Variants in RPGR observed in about 807,000 individuals in gnomAD.
The protein encoded by RPGR is X-linked retinitis pigmentosa GTPase regulator.
RPGR carries 10 observed loss-of-function variants against 56.3 expected under a neutral mutation model. The ratio of observed to expected loss-of-function variants is 0.18; its 90% confidence interval spans 0.11 to 0.30. The LOEUF is 0.30. Among genes scored for constraint, RPGR ranks in the 10% least tolerant of loss-of-function variants. The pLI, the probability that RPGR is intolerant of heterozygous loss-of-function variation, is 1.00. For missense variants in RPGR, 538 were observed against 590.9 expected (o/e 0.91, Z 0.93); for synonymous variants, 197 against 212.9 (o/e 0.93, Z 0.65).
intron 10 of RPGR, among the ~76,000 whole-genome samples, 190 bp downstream of exon 10, chrX:38,298,766 A>G (rs1232913681): frequency 8.9e-6 from 1 of 112,139 alleles, no homozygotes; most frequent in Non-Finnish European, 1.9e-5. Flanking sequence ...GTGTCTTTAA[A>G]AAAAGCATTA....
chrX:38,312,698 G>A (rs1601964198), intron 6 of RPGR, among the ~76,000 whole-genome samples: 3 of 111,675 alleles, frequency 2.7e-5, no homozygotes, highest in African/African-American at 6.5e-5. Flanking sequence ...AATCCCAGCA[G>A]TTTGGGAGGC....
rs759193029 is a variant in RPGR at position 38,299,145 on chromosome X, C to A, written c.1060-4G>T. Reference sequence around the variant, plus strand: ...TGTGACATCCACCACAAGCAACCTGCAGCATAAATCCACAGAAAAACTCAT... The same window carrying A: ...TGTGACATCCACCACAAGCAACCTGAAGCATAAATCCACAGAAAAACTCAT... On this transcript the variant is annotated splice_polypyrimidine_tract_variant and splice_region_variant and intron_variant, in intron 9 of 18. Coordinates refer to ENST00000642395, the MANE Select transcript of RPGR (RefSeq NM_000328.3). The A allele has an allele frequency of 8.3e-7, 1 of 1,208,737 alleles. No individual in the cohort carries two copies. Among genetic ancestry groups the A allele is most frequent in the Non-Finnish European group, 1.1e-6 (1 of 893,587 alleles).
At chrX:38,294,916 T>C in intron 11 of RPGR, among the ~76,000 whole-genome samples, 1 of 112,158 alleles carries the variant, frequency 8.9e-6, no homozygotes. Flanking sequence ...CTCACAAGTA[T>C]TCTTCCTATT....
intron 4 of RPGR, among the ~76,000 whole-genome samples, chrX:38,320,709 C>T (rs1239856928): frequency 1.8e-5 from 2 of 112,221 alleles, no homozygotes; most frequent in African/African-American, 3.2e-5. Flanking sequence ...CATCAACAGC[C>T]TTCTGGGTGC....
At chrX:38,272,592 CAAAA>C in intron 18 of RPGR, 1 of 88,969 alleles carries the variant, frequency 1.1e-5, no homozygotes, top group Non-Finnish European at 2.3e-5. Flanking sequence ...AACTCCATCT[CAAAA>C]AAAAAAAAAA....
At position 38,297,397 on chromosome X, in the gene RPGR, G is replaced by T. The variant is rs1251788652; in HGVS notation, c.1301C>A (p.Thr434Asn). 1 of 1,208,910 alleles carries T rather than the reference G, an allele frequency of 8.3e-7. No individual in the cohort carries two copies. The highest frequency in any genetic ancestry group is 1.8e-5 in the South Asian group (1 of 56,834). ...GAGAAAACAAGCAGAAAGGCCAAGA[G>T]TCCCTTCTATTGGAGGTAGTGTTCT... is the stretch of plus-strand genomic sequence containing the variant. The change falls in exon 11 of 19, where the codon ACT becomes AAT. Residue 434 changes from threonine to asparagine, a missense_variant. This residue lies in a region of RPGR where 357 missense variants were observed against 325.8 expected (regional missense o/e 1.10). Coordinates refer to ENST00000642395, the MANE Select transcript of RPGR (RefSeq NM_000328.3).
At chrX:38,312,915 C>T (rs1252992570) in intron 6 of RPGR, among the ~76,000 whole-genome samples, 1 of 106,504 alleles carries the variant, frequency 9.4e-6, no homozygotes. Context: ...TGCACTCCAG[C>T]CTGGGCAACA....
At chrX:38,270,629 A>G (rs915478408) in intron 18 of RPGR, among the ~76,000 whole-genome samples, 3 of 106,815 alleles carry the variant, frequency 2.8e-5, no homozygotes, top group African/African-American at 1.0e-4. Context: ...TCCCCAAAAA[A>G]AAAAAAAAAA....
chrX:38,281,553 C>T (rs960200445), intron 15 of RPGR, among the ~76,000 whole-genome samples: 3 of 112,298 alleles, frequency 2.7e-5, no homozygotes, highest in African/African-American at 6.5e-5. Flanking sequence ...ACTAAACTCA[C>T]GCACATCAGT....
At chrX:38,275,219 T>C in intron 16 of RPGR, 1 of 875,219 alleles carries the variant, frequency 1.1e-6, no homozygotes, top group Non-Finnish European at 1.7e-6. Context: ...TCTGAATCTT[T>C]AAGCAGGTTC....
chrX:38,296,742 A>T (rs776805739), intron 11 of RPGR, among the ~76,000 whole-genome samples: 1 of 111,915 alleles, frequency 8.9e-6, no homozygotes, highest in African/African-American at 3.2e-5. Flanking sequence ...AGGTTAAGTA[A>T]CTTTCCCAAA....
intron 10 of RPGR, chrX:38,298,421 T>C (rs1231035880): frequency 3.1e-6 from 1 of 322,962 alleles, no homozygotes; most frequent in Admixed American, 3.3e-5. Flanking sequence ...TTATAGTATA[T>C]AAGCTCCCAC....
At chrX:38,271,387 C>T (rs988708583) in intron 18 of RPGR, among the ~76,000 whole-genome samples, 11 of 111,610 alleles carry the variant, frequency 9.9e-5, no homozygotes, top group Non-Finnish European at 1.9e-4. Flanking sequence ...GGTAATCTCC[C>T]CAAAAACTAA....
At chrX:38,305,063 C>A (rs780966096) in intron 7 of RPGR, among the ~76,000 whole-genome samples, 165 of 111,879 alleles carry the variant, frequency 1.5e-3, no homozygotes, top group African/African-American at 5.2e-3. Context: ...AGGTATGATA[C>A]AAGGCACATA....
chrX:38,275,055 A>C, intron 17 of RPGR: 1 of 1,069,816 alleles, frequency 9.3e-7, no homozygotes, highest in African/African-American at 1.8e-5. Context: ...GTATGTATGT[A>C]TGTATATATG....
chrX:38,286,651 T>G (rs1205060896), intron 15 of RPGR: 1 of 1,091,256 alleles, frequency 9.2e-7, no homozygotes, highest in Non-Finnish European at 1.2e-6. Flanking sequence ...TTTCTCCTCC[T>G]TCCCCGCTCT....
chrX:38,292,833 A>G (rs1351840016), intron 11 of RPGR, among the ~76,000 whole-genome samples: 1 of 111,477 alleles, frequency 9.0e-6, no homozygotes, highest in East Asian at 2.8e-4. Flanking sequence ...TAGAAAGATG[A>G]GTAGAATTAG....
At position 38,318,859 on chromosome X, in the gene RPGR, C is replaced by T; in HGVS notation, c.439G>A (p.Ala147Thr). The T allele has an allele frequency of 8.3e-7, 1 of 1,211,636 alleles. No individual in the cohort carries two copies. The highest frequency in any genetic ancestry group is 1.1e-6 in the Non-Finnish European group (1 of 895,375). ...AGGGCAGCTGAAGTATTAGATCCAG[C>T]AGACAGCTGCTTAATCTTATGCTCG... Residue 147 changes from alanine (A) to threonine (T), a missense_variant, in exon 5 of 19, where the codon GCT becomes ACT. Ala to Thr is a moderately conservative substitution (Grantham distance 58). Around this residue, in one of 2 missense-constraint regions of RPGR, gnomAD observed 181 missense variants for 265.1 expected, o/e 0.68. Transcript: ENST00000642395.
At chrX:38,325,796 C>T (rs1454799206) in intron 1 of RPGR, 1 of 111,598 alleles carries the variant, frequency 9.0e-6, no homozygotes, top group Non-Finnish European at 1.9e-5. Context: ...TATTCACAAA[C>T]TGTTGTGGCA....
Sources: allele counts gnomAD v4.1 joint callset (sites outside exome capture counted in the v4.1 genomes callset), GRCh38; gene constraint gnomAD v4.1.1; regional missense constraint gnomAD v4.1.1; transcripts MANE v1.5; gene names NCBI Gene and HGNC (gene_info 2026-07-23, HGNC 2026-07-21).